The following NCKAP5 variants were observed in gnomAD, a reference collection of about 807,000 sequenced individuals.
The protein encoded by NCKAP5 is NCK associated protein 5.
In NCKAP5, 92 loss-of-function variants were observed where a neutral mutation model predicts 167.0. That is an observed-to-expected ratio of 0.55 (90% CI 0.47 to 0.66). The LOEUF is 0.66. NCKAP5 is among the 30% of genes least tolerant of loss of function. The pLI is 0.00. For missense variants in NCKAP5, 2,378 were observed against 2,315.0 expected (o/e 1.03, Z -0.56); for synonymous variants, 891 against 877.4 (o/e 1.02, Z -0.27).
intron 7 of NCKAP5, among the ~76,000 whole-genome samples, chr2:132,969,554 A>G (rs1301328534): frequency 6.6e-6 from 1 of 152,150 alleles, no homozygotes; most frequent in East Asian, 1.9e-4. Context: ...CCAACCCTGG[A>G]GGAGTCATTA....
intron 11 of NCKAP5, among the ~76,000 whole-genome samples, chr2:132,851,459 C>T (rs941361690): frequency 1.3e-5 from 2 of 152,136 alleles, no homozygotes; most frequent in African/African-American, 4.8e-5. Context: ...TACTGTGAGC[C>T]CAGTCCCAGT....
chr2:132,781,325 T>G, intron 14 of NCKAP5, 96 bp from the exon 15 acceptor site: 1 of 1,183,360 alleles, frequency 8.5e-7, no homozygotes, highest in Middle Eastern at 2.4e-4. Flanking sequence ...GTAACCTCTT[T>G]GTAGCTCTTT....
the NCKAP5 span, among the ~76,000 whole-genome samples, chr2:133,641,044 T>C: frequency 2.0e-5 from 3 of 152,254 alleles, no homozygotes; most frequent in African/African-American, 4.8e-5. Context: ...TGCACAGCTA[T>C]AGGTAGATAA....
At chr2:132,715,106 C>T (rs1356673733) in intron 19 of NCKAP5, among the ~76,000 whole-genome samples, 1 of 152,180 alleles carries the variant, frequency 6.6e-6, no homozygotes, top group Non-Finnish European at 1.5e-5. Flanking sequence ...AATGGTCTCT[C>T]TCTTGATCCT....
At chr2:133,427,844 A>G (rs929176190) in intron 3 of NCKAP5, among the ~76,000 whole-genome samples, 30 of 152,224 alleles carry the variant, frequency 2.0e-4, no homozygotes, top group African/African-American at 7.2e-4. Flanking sequence ...TATTTATACT[A>G]TATAGTAACA....
At chr2:133,492,024 C>A (rs1681497812) in intron 3 of NCKAP5, among the ~76,000 whole-genome samples, 1 of 152,126 alleles carries the variant, frequency 6.6e-6, no homozygotes, top group African/African-American at 2.4e-5. Flanking sequence ...CCTGCCCCTG[C>A]AAGCTCTTCT....
intron 16 of NCKAP5, among the ~76,000 whole-genome samples, chr2:132,744,022 T>C (rs1363665842): frequency 6.6e-6 from 1 of 151,726 alleles, no homozygotes; most frequent in East Asian, 1.9e-4. Flanking sequence ...TCTATAACAA[T>C]AGAACTCCAA....
chr2:133,266,966 G>A (rs1045269954), intron 4 of NCKAP5, among the ~76,000 whole-genome samples: 1 of 151,892 alleles, frequency 6.6e-6, no homozygotes, highest in Non-Finnish European at 1.5e-5. Flanking sequence ...CCTCCGCCGG[G>A]CCCCCCCATC....
chr2:133,629,090 G>A, the NCKAP5 span, among the ~76,000 whole-genome samples: 1 of 152,118 alleles, frequency 6.6e-6, no homozygotes, highest in Non-Finnish European at 1.5e-5. Context: ...AAGATTTCAC[G>A]ATAAAAATAT....
chr2:133,118,038 T>A (rs2082135771), intron 6 of NCKAP5: 1 of 152,180 alleles, frequency 6.6e-6, no homozygotes. Flanking sequence ...CTTCTTCAGT[T>A]CTCTATTAAA....
chr2:133,321,355 G>A (rs1293426726), intron 3 of NCKAP5, among the ~76,000 whole-genome samples: 1 of 152,086 alleles, frequency 6.6e-6, no homozygotes, highest in Non-Finnish European at 1.5e-5. Context: ...TCATTGTGGA[G>A]GTCCCAGGTT....
intron 11 of NCKAP5, among the ~76,000 whole-genome samples, chr2:132,853,285 C>G (rs1179815238): frequency 2.6e-5 from 4 of 152,196 alleles, no homozygotes. Flanking sequence ...TTTCTAGCTT[C>G]TTACAATTTT....
At chr2:133,410,357 G>A (rs77774881) in intron 3 of NCKAP5, among the ~76,000 whole-genome samples, 3,076 of 152,172 alleles carry the variant, frequency 0.02, 96 homozygotes, top group African/African-American at 0.07. Context: ...TTCATCACGC[G>A]GTTTTCATAG....
chr2:132,695,831 T>C (rs1407137578), intron 19 of NCKAP5, among the ~76,000 whole-genome samples: 2 of 152,224 alleles, frequency 1.3e-5, no homozygotes, highest in Non-Finnish European at 2.9e-5. Context: ...TTACATCTTC[T>C]CTGATGATCT....
At chr2:132,770,663 C>T (rs1412374863) in intron 16 of NCKAP5, among the ~76,000 whole-genome samples, 1 of 151,924 alleles carries the variant, frequency 6.6e-6, no homozygotes, top group Non-Finnish European at 1.5e-5. Flanking sequence ...AATGCAGCAC[C>T]ATCCAACAGA....
At chr2:132,931,134 T>C (rs1045578377) in intron 8 of NCKAP5, 3 of 152,228 alleles carry the variant, frequency 2.0e-5, no homozygotes, top group Non-Finnish European at 2.9e-5. Context: ...TGCTAGCCTG[T>C]GACAGTGCAG....
At chr2:133,066,330 C>A (rs555373642) in intron 6 of NCKAP5, among the ~76,000 whole-genome samples, 1 of 152,336 alleles carries the variant, frequency 6.6e-6, no homozygotes, top group Admixed American at 6.5e-5. Context: ...TTCTTATCAT[C>A]TAAAACCCGT....
At chr2:132,986,944 A>G (rs2149285767) in intron 7 of NCKAP5, among the ~76,000 whole-genome samples, 1 of 152,316 alleles carries the variant, frequency 6.6e-6, no homozygotes, top group African/African-American at 2.4e-5. Context: ...TCAATGAGGA[A>G]CATCAGAACC....
At chr2:133,293,079 A>G (rs539160685) in intron 4 of NCKAP5, among the ~76,000 whole-genome samples, 17 of 152,308 alleles carry the variant, frequency 1.1e-4, no homozygotes, top group Non-Finnish European at 1.8e-4. Context: ...CTTCTGCAGG[A>G]CAGAGTCTCC....
Sources: allele counts gnomAD v4.1 joint callset (sites outside exome capture counted in the v4.1 genomes callset), GRCh38; gene constraint gnomAD v4.1.1; transcripts MANE v1.5; gene names NCBI Gene and HGNC (gene_info 2026-07-23, HGNC 2026-07-21).